The following RBFOX1 variants were observed in gnomAD, a reference collection of about 807,000 sequenced individuals.
The protein encoded by RBFOX1 is RNA binding protein fox-1 homolog 1.
In RBFOX1, 8 loss-of-function variants were observed where a neutral mutation model predicts 57.7. The ratio of observed to expected loss-of-function variants is 0.14; its 90% CI spans 0.08 to 0.25. RBFOX1 has a LOEUF of 0.25. Among genes scored for constraint, RBFOX1 ranks in the 10% least tolerant of loss-of-function variants. RBFOX1 has a pLI of 1.00. For synonymous variants in RBFOX1, 326 were observed against 222.4 expected (o/e 1.47, Z -4.15); for missense variants, 611 against 548.5 (o/e 1.11, Z -1.14).
intron 4 of RBFOX1, among the ~76,000 whole-genome samples, chr16:7,461,984 A>G (rs1473668941): frequency 6.6e-6 from 1 of 152,178 alleles, no homozygotes; most frequent in Non-Finnish European, 1.5e-5. Context: ...GTCAAGGAGG[A>G]TTAAAGAATG....
chr16:7,649,524 G>C (rs1047055759), intron 11 of RBFOX1, among the ~76,000 whole-genome samples: 4 of 151,924 alleles, frequency 2.6e-5, no homozygotes, highest in African/African-American at 7.2e-5. Flanking sequence ...AGTCGCTGTG[G>C]TTCGAACACC....
chr16:7,495,558 A>G (rs1467539218), intron 4 of RBFOX1, among the ~76,000 whole-genome samples: 1 of 152,114 alleles, frequency 6.6e-6, no homozygotes, highest in African/African-American at 2.4e-5. Context: ...ATGGGCACAT[A>G]TTTCCCTGAT....
intron 1 of RBFOX1, among the ~76,000 whole-genome samples, chr16:6,224,848 C>A (rs1483686399): frequency 6.6e-6 from 1 of 151,846 alleles, no homozygotes; most frequent in Non-Finnish European, 1.5e-5. Flanking sequence ...TGGGAAACCC[C>A]ATCTCTATTT....
chr16:7,185,790 A>G (rs1567615190), intron 4 of RBFOX1, among the ~76,000 whole-genome samples: 1 of 152,202 alleles, frequency 6.6e-6, no homozygotes, highest in South Asian at 2.1e-4. Context: ...ACACTGGCAT[A>G]TGAAGATCTG....
intron 4 of RBFOX1, among the ~76,000 whole-genome samples, chr16:7,311,924 T>C (rs986742283): frequency 6.6e-6 from 1 of 152,234 alleles, no homozygotes; most frequent in Non-Finnish European, 1.5e-5. Flanking sequence ...TTGAGCAAGA[T>C]AGTTTTTTTT....
At chr16:5,654,264 A>G (rs1393776701) in intron 3 of RBFOX1, among the ~76,000 whole-genome samples, 2 of 152,164 alleles carry the variant, frequency 1.3e-5, no homozygotes, top group African/African-American at 2.4e-5. Flanking sequence ...TTGGCCTGTA[A>G]TATGCTGGAG....
At chr16:6,986,658 TC>T (rs1411006567) in intron 3 of RBFOX1, among the ~76,000 whole-genome samples, 1 of 152,178 alleles carries the variant, frequency 6.6e-6, no homozygotes, top group Non-Finnish European at 1.5e-5. Flanking sequence ...CTCCCTCTTT[TC>T]CTTCCCTTCC....
chr16:6,619,366 C>A (rs778720680), intron 2 of RBFOX1, among the ~76,000 whole-genome samples: 23 of 152,134 alleles, frequency 1.5e-4, no homozygotes, highest in Admixed American at 2.6e-4. Flanking sequence ...TTTAAATAGC[C>A]ATCTATGCCA....
chr16:6,264,527 A>G (rs1445725859), intron 1 of RBFOX1, among the ~76,000 whole-genome samples: 3 of 152,118 alleles, frequency 2.0e-5, no homozygotes, highest in Non-Finnish European at 2.9e-5. Context: ...ATTGCTTACC[A>G]TTCACCTCCT....
intron 1 of RBFOX1, among the ~76,000 whole-genome samples, chr16:5,429,807 A>G (rs62016387): frequency 2.2e-4 from 34 of 152,274 alleles, no homozygotes; most frequent in Middle Eastern, 3.4e-3. Context: ...GTAATCGTCT[A>G]TTGGCCTCCT....
intron 4 of RBFOX1, among the ~76,000 whole-genome samples, chr16:7,335,778 C>T (rs1603624047): frequency 6.6e-6 from 1 of 152,260 alleles, no homozygotes; most frequent in South Asian, 2.1e-4. Flanking sequence ...ACCCTTCCTC[C>T]TTTAGGAAAA....
intron 4 of RBFOX1, among the ~76,000 whole-genome samples, chr16:7,457,220 T>G (rs13332212): frequency 0.044 from 6,635 of 152,012 alleles, 485 homozygotes; most frequent in African/African-American, 0.15. Context: ...ATACAGCGGG[T>G]CCATGAATGC....
At chr16:7,000,731 A>C (rs1336744708) in intron 3 of RBFOX1, among the ~76,000 whole-genome samples, 2 of 151,028 alleles carry the variant, frequency 1.3e-5, no homozygotes, top group East Asian at 3.9e-4. Flanking sequence ...CAGCCTCCCA[A>C]GTAGCTGGGA....
intron 3 of RBFOX1, among the ~76,000 whole-genome samples, chr16:6,981,578 C>T (rs908858860): frequency 5.9e-5 from 9 of 152,126 alleles, no homozygotes; most frequent in Non-Finnish European, 7.4e-5. Context: ...GACAGTTCCA[C>T]GTGGCTGGGG....
intron 3 of RBFOX1, among the ~76,000 whole-genome samples, chr16:5,635,856 C>T (rs984274262): frequency 6.6e-6 from 1 of 152,110 alleles, no homozygotes; most frequent in African/African-American, 2.4e-5. Flanking sequence ...GCATTCCATT[C>T]ATTTTTCGTG....
At position 6,744,901 on chromosome 16, in the gene RBFOX1, G is replaced by A. The variant is rs118041492; in HGVS notation, c.-16+90251G>A. Among the ~76,000 whole-genome samples, 215 of 152,090 alleles carry A rather than the reference G, an allele frequency of 1.4e-3. 2 individuals carry two copies. The East Asian group carries it at 0.015, about 11-fold the overall frequency. On this transcript the variant is annotated intron_variant, in intron 3 of 15. Transcript: ENST00000550418. ...AGGAAATCTTTGAAACCAAAAGCTG[G>A]TGTTTTGAGAAAATTAGTAAAATCA...
At chr16:6,522,174 TG>T (rs2096514163) in intron 2 of RBFOX1, among the ~76,000 whole-genome samples, 1 of 151,696 alleles carries the variant, frequency 6.6e-6, no homozygotes, top group Non-Finnish European at 1.5e-5. Context: ...TGTGTGTGTG[TG>T]TGTGTGTGTG....
At chr16:6,943,513 C>G (rs990695937) in intron 3 of RBFOX1, among the ~76,000 whole-genome samples, 1 of 152,018 alleles carries the variant, frequency 6.6e-6, no homozygotes, top group African/African-American at 2.4e-5. Flanking sequence ...TTGAGACCAT[C>G]CTGACTAACA....
intron 1 of RBFOX1, among the ~76,000 whole-genome samples, chr16:5,294,165 G>T (rs1227968749): frequency 2.0e-5 from 3 of 152,150 alleles, no homozygotes; most frequent in African/African-American, 7.2e-5. Flanking sequence ...GGAGGCAGAG[G>T]TTGCAGTGAG....
Sources: allele counts gnomAD v4.1 joint callset (sites outside exome capture counted in the v4.1 genomes callset), GRCh38; gene constraint gnomAD v4.1.1; transcripts MANE v1.5; gene names NCBI Gene and HGNC (gene_info 2026-07-23, HGNC 2026-07-21).